Variants in RORA observed in about 807,000 individuals in gnomAD.
The protein encoded by RORA is nuclear receptor ROR-alpha.
A neutral mutation model predicts 69.5 loss-of-function variants in RORA; 7 were observed. That is an observed-to-expected ratio of 0.10 (90% CI 0.06 to 0.19). The LOEUF is 0.19. RORA is among the 10% of genes least tolerant of loss of function. The probability of loss-of-function intolerance (pLI) is 1.00; values close to 1 mark genes in which losing one functional copy is unlikely to be tolerated. For missense variants in RORA, 457 were observed against 663.0 expected, an observed-to-expected ratio of 0.69 and a Z score of 3.41; for synonymous variants, 261 against 240.8, an observed-to-expected ratio of 1.08 and a Z score of -0.78.
chr15:60,527,844 C>T (rs1181951438), intron 3 of RORA, among the ~76,000 whole-genome samples: 1 of 152,194 alleles, frequency 6.6e-6, no homozygotes, highest in East Asian at 1.9e-4. Flanking sequence ...TGTGCTGTCC[C>T]CTAAATACAA....
At chr15:61,098,934 A>G (rs1180114061) in intron 1 of RORA, among the ~76,000 whole-genome samples, 1 of 152,158 alleles carries the variant, frequency 6.6e-6, no homozygotes, top group Non-Finnish European at 1.5e-5. Flanking sequence ...AATACTTCCA[A>G]AGGTTCCGGG....
At chr15:61,010,188 C>T (rs1198666163) in intron 1 of RORA, among the ~76,000 whole-genome samples, 1 of 152,100 alleles carries the variant, frequency 6.6e-6, no homozygotes, top group African/African-American at 2.4e-5. Flanking sequence ...GTAAATCTGC[C>T]TTATGAAAAT....
chr15:61,038,669 G>C (rs1481276305), intron 1 of RORA, among the ~76,000 whole-genome samples: 3 of 152,338 alleles, frequency 2.0e-5, no homozygotes, highest in Admixed American at 2.0e-4. Flanking sequence ...CATTGTGTTT[G>C]CTAAGGCAAT....
At chr15:61,104,253 A>G (rs1376110719) in intron 1 of RORA, among the ~76,000 whole-genome samples, 2 of 152,224 alleles carry the variant, frequency 1.3e-5, no homozygotes, top group African/African-American at 4.8e-5. Context: ...CATTGAGGGA[A>G]CGGAGAAAAT....
chr15:60,908,960 T>C (rs1414954350), intron 1 of RORA, among the ~76,000 whole-genome samples: 1 of 152,066 alleles, frequency 6.6e-6, no homozygotes, highest in Non-Finnish European at 1.5e-5. Flanking sequence ...CCCTCAGACC[T>C]GGGGATGCAT....
At chr15:60,602,234 GA>G (rs1290397338) in intron 2 of RORA, among the ~76,000 whole-genome samples, 1 of 152,170 alleles carries the variant, frequency 6.6e-6, no homozygotes, top group Non-Finnish European at 1.5e-5. Context: ...GACACTCAAA[GA>G]GGGCATTTGG....
intron 1 of RORA, among the ~76,000 whole-genome samples, chr15:60,775,347 GA>G (rs1366395526): frequency 3.9e-5 from 6 of 151,962 alleles, no homozygotes; most frequent in African/African-American, 9.7e-5. Context: ...TTGCTAGAAG[GA>G]AAAAAACCCC....
rs759189907 is a variant in RORA, at chr15:61,131,574, T to G, written c.166+97479A>C. ...GGAGGAACTGGGATCTAGTTACTCATGCTATAGAAGTAATAATGTTATTAA... is the reference window on the plus strand; with the variant it reads ...GGAGGAACTGGGATCTAGTTACTCAGGCTATAGAAGTAATAATGTTATTAA... On this transcript the variant is annotated intron_variant, in intron 1 of 10. Coordinates refer to ENST00000335670, the MANE Select transcript of RORA (RefSeq NM_134261.3). This position sits in a 1 kb window ranked among gnomAD's most constrained non-coding sequence, Gnocchi z 4.2. 6.6e-6 allele frequency among the ~76,000 whole-genome samples: 1 copy of G among 152,228 alleles called. No individual in the cohort carries two copies. Among genetic ancestry groups the G allele is most frequent in the African/African-American group, 2.4e-5 (1 of 41,464 alleles).
chr15:60,866,483 T>C lies in RORA; in HGVS notation c.167-187797A>G, dbSNP rs549610250. Among the ~76,000 whole-genome samples, 61 of 152,342 alleles carry C rather than the reference T, an allele frequency of 4.0e-4. No homozygotes were observed. In the South Asian group the frequency reaches 5.8e-3, roughly 14 times the overall value. On this transcript the variant is annotated intron_variant, in intron 1 of 10. Transcript: ENST00000335670. ...TCATCATCTTTTATTGTTCATAACATACCCTTTTCAATTACACCTGCGTTT... is the reference window on the plus strand; with the variant it reads ...TCATCATCTTTTATTGTTCATAACACACCCTTTTCAATTACACCTGCGTTT...
intron 3 of RORA, among the ~76,000 whole-genome samples, chr15:60,516,288 G>T (rs2065957353): frequency 9.6e-6 from 1 of 103,748 alleles, no homozygotes; most frequent in Non-Finnish European, 1.9e-5. Flanking sequence ...GGTCGAGATG[G>T]GGGTCTCGCT....
intron 1 of RORA, among the ~76,000 whole-genome samples, chr15:61,225,727 C>T (rs2080139402): frequency 1.3e-5 from 2 of 152,152 alleles, no homozygotes; most frequent in African/African-American, 2.4e-5. Context: ...CTGGCAAGCA[C>T]ATATAATAAC....
intron 1 of RORA, among the ~76,000 whole-genome samples, chr15:61,207,107 GAC>G (rs1389588084): frequency 6.6e-6 from 1 of 151,722 alleles, no homozygotes; most frequent in Non-Finnish European, 1.5e-5. Flanking sequence ...TATGCATATA[GAC>G]ACATATGTAT....
chr15:61,078,106 A>G (rs1460772069), intron 1 of RORA, among the ~76,000 whole-genome samples: 1 of 152,246 alleles, frequency 6.6e-6, no homozygotes, highest in African/African-American at 2.4e-5. Flanking sequence ...GCTGGTAGTA[A>G]TTAACATCTA....
intron 1 of RORA, among the ~76,000 whole-genome samples, chr15:61,045,999 A>G (rs1163438239): frequency 7.2e-5 from 11 of 152,172 alleles, no homozygotes; most frequent in African/African-American, 2.7e-4. Flanking sequence ...CTCAGACCAG[A>G]ACAAGAGAGG....
rs1894183402 is a variant in RORA at position 60,985,766 on chromosome 15, G to A, written c.166+243287C>T. On this transcript the variant is annotated intron_variant, in intron 1 of 10. Transcript: ENST00000335670. ...TGCCCAGCTAATTTTTGTAATTTTA[G>A]TAGAAACGGGGTTTCACCATGTTGG... is the stretch of plus-strand genomic sequence containing the variant. Among the ~76,000 whole-genome samples, 3 of 151,960 alleles carry A rather than the reference G, an allele frequency of 2.0e-5. No individual in the cohort carries two copies. The South Asian group carries it at 6.3e-4, about 32-fold the overall frequency.
At chr15:60,794,520 T>G (rs1288443548) in intron 1 of RORA, among the ~76,000 whole-genome samples, 5 of 152,154 alleles carry the variant, frequency 3.3e-5, no homozygotes, top group Admixed American at 6.5e-5. Context: ...TAGGGAAAAA[T>G]ACTGGGTGCA....
chr15:61,136,554 C>T (rs1266250495), intron 1 of RORA, among the ~76,000 whole-genome samples: 1 of 152,122 alleles, frequency 6.6e-6, no homozygotes, highest in Non-Finnish European at 1.5e-5. Flanking sequence ...AGACAAAACA[C>T]ATGAGCACAT....
At chr15:60,507,784 TAGG>T (rs1164140219) in intron 5 of RORA, among the ~76,000 whole-genome samples, 1 of 152,122 alleles carries the variant, frequency 6.6e-6, no homozygotes. Flanking sequence ...CGCAGGGAAG[TAGG>T]GGGGGATGCT....
Position 60,510,873 on chromosome 15 carries a change from A to T in RORA, c.820+353T>A, listed in dbSNP as rs2065673987. On this transcript the variant is annotated intron_variant, in intron 5 of 10. Coordinates refer to ENST00000335670, the MANE Select transcript of RORA (RefSeq NM_134261.3). ...GGCCAAGTTCAGTTTGTGGACTGCC[A>T]TTTTTTTTTTTGTCACCTTAGGTAT... 3.4e-5 allele frequency among the ~76,000 whole-genome samples: 5 copies of T among 147,914 alleles called. No individual in the cohort carries two copies. In the South Asian group the frequency reaches 1.1e-3, roughly 32 times the overall value.
Sources: gnomAD v4.1 joint callset for allele counts (sites outside exome capture counted in the v4.1 genomes callset) on GRCh38, gnomAD v4.1.1 for gene constraint, Gnocchi (gnomAD v3.1) non-coding constraint, MANE v1.5 for transcripts, NCBI Gene and HGNC (gene_info 2026-07-23, HGNC 2026-07-21) for gene names.